Variants in SGCZ observed in about 807,000 individuals in gnomAD.
SGCZ encodes zeta-sarcoglycan.
SGCZ carries 40 observed loss-of-function variants against 41.3 expected under a neutral mutation model. That is an observed-to-expected ratio of 0.97 (90% CI 0.75 to 1.26). The LOEUF is 1.26. Among genes scored for constraint, SGCZ ranks in the 50% most tolerant of loss-of-function variants. The probability of loss-of-function intolerance (pLI) is 0.00; values close to 1 mark genes in which losing one functional copy is unlikely to be tolerated. For synonymous variants in SGCZ, 206 were observed against 137.5 expected, an observed-to-expected ratio of 1.50 and a Z score of -3.49; for missense variants, 552 against 369.8, an observed-to-expected ratio of 1.49 and a Z score of -4.04.
intron 2 of SGCZ, among the ~76,000 whole-genome samples, chr8:14,473,205 A>G (rs1303124907): frequency 6.6e-6 from 1 of 152,032 alleles, no homozygotes; most frequent in Non-Finnish European, 1.5e-5. Flanking sequence ...TTTATGAAGT[A>G]CTCTCTTTAT....
At chr8:14,563,874 G>T (rs1237941684) in intron 1 of SGCZ, among the ~76,000 whole-genome samples, 3 of 151,924 alleles carry the variant, frequency 2.0e-5, no homozygotes, top group African/African-American at 7.3e-5. Flanking sequence ...AAATATAATT[G>T]ATATAATTTT....
intron 1 of SGCZ, among the ~76,000 whole-genome samples, chr8:14,682,436 A>T (rs1585179137): frequency 1.4e-5 from 2 of 141,650 alleles, no homozygotes; most frequent in East Asian, 2.1e-4. Flanking sequence ...CTGCAATGCA[A>T]TTTTTTTTTT....
intron 2 of SGCZ, among the ~76,000 whole-genome samples, chr8:14,440,566 T>C (rs4588854): frequency 0.26 from 40,191 of 151,914 alleles, 5,699 homozygotes; most frequent in Admixed American, 0.33. Context: ...CTAATATCTC[T>C]ATTTTCATAA....
At chr8:14,281,864 T>C (rs1398074338) in intron 3 of SGCZ, among the ~76,000 whole-genome samples, 1 of 17,638 alleles carries the variant, frequency 5.7e-5, no homozygotes, top group Non-Finnish European at 1.7e-3. Context: ...AGAACCATAC[T>C]GTTCTTTTTT....
chr8:14,648,980 C>T (rs1807311662), intron 1 of SGCZ, among the ~76,000 whole-genome samples: 1 of 152,038 alleles, frequency 6.6e-6, no homozygotes, highest in Admixed American at 6.6e-5. Context: ...CATTTCAAAA[C>T]ATTTATACTT....
intron 1 of SGCZ, chr8:14,879,179 T>G (rs956772931): frequency 2.4e-4 from 36 of 152,140 alleles, no homozygotes; most frequent in African/African-American, 8.0e-4. Context: ...ATTTAAAAAG[T>G]TAGCTGGCCA....
intron 4 of SGCZ, among the ~76,000 whole-genome samples, chr8:14,192,673 T>A (rs572953070): frequency 6.6e-6 from 1 of 151,722 alleles, no homozygotes; most frequent in African/African-American, 2.4e-5. Context: ...ATTGTTGTCA[T>A]TGAAGTAGTT....
At chr8:14,418,665 T>C (rs2117298757) in intron 2 of SGCZ, among the ~76,000 whole-genome samples, 1 of 152,070 alleles carries the variant, frequency 6.6e-6, no homozygotes, top group South Asian at 2.1e-4. Flanking sequence ...AACTAAATAT[T>C]TAGATACTTT....
At chr8:14,872,175 AG>A (rs1316078953) in intron 1 of SGCZ, among the ~76,000 whole-genome samples, 2 of 151,910 alleles carry the variant, frequency 1.3e-5, no homozygotes, top group African/African-American at 2.4e-5. Context: ...ACAGGGCATG[AG>A]GGGCTAGGGG....
chr8:14,558,611 A>AGG (rs1554539186), intron 1 of SGCZ, among the ~76,000 whole-genome samples: 71 of 137,352 alleles, frequency 5.2e-4, no homozygotes, highest in East Asian at 1.1e-3. Context: ...AGAGAGAGAG[A>AGG]GAATCTTCCA....
rs553516607 is a variant in SGCZ, at chr8:14,930,508, A to G, written c.39+307077T>C. 4.6e-4 allele frequency among the ~76,000 whole-genome samples: 70 copies of G among 152,036 alleles called. 1 individual carries two copies. Among genetic ancestry groups the G allele is most frequent in the Non-Finnish European group, 8.2e-4 (56 of 68,032 alleles). ...TGGGTATATACCCAAAGGATTATAAATCATTCTACTATAAAGACACATGCC... is the reference window on the plus strand; with the variant it reads ...TGGGTATATACCCAAAGGATTATAAGTCATTCTACTATAAAGACACATGCC... On this transcript the variant is annotated intron_variant, in intron 1 of 7. Transcript: ENST00000382080.
chr8:14,697,558 T>C (rs949490903), intron 1 of SGCZ, among the ~76,000 whole-genome samples: 25 of 152,178 alleles, frequency 1.6e-4, no homozygotes, highest in Admixed American at 3.3e-4. Flanking sequence ...TCGGTTCTTT[T>C]GTGAATTCAA....
At chr8:14,759,689 C>T (rs1799799973) in intron 1 of SGCZ, among the ~76,000 whole-genome samples, 1 of 152,114 alleles carries the variant, frequency 6.6e-6, no homozygotes, top group African/African-American at 2.4e-5. Flanking sequence ...TACCCATGGC[C>T]AATTAGTCCC....
At chr8:14,893,816 C>T (rs2130746987) in intron 1 of SGCZ, among the ~76,000 whole-genome samples, 1 of 152,286 alleles carries the variant, frequency 6.6e-6, no homozygotes, top group East Asian at 1.9e-4. Context: ...AAGGAAACAT[C>T]ACTAATAATC....
chr8:14,191,234 T>C (rs751643369), intron 4 of SGCZ, among the ~76,000 whole-genome samples: 2 of 152,242 alleles, frequency 1.3e-5, no homozygotes, highest in Admixed American at 6.5e-5. Context: ...ATTTTGAATA[T>C]TGACCTTTAT....
At chr8:14,652,824 T>C (rs1391112675) in intron 1 of SGCZ, among the ~76,000 whole-genome samples, 4 of 152,072 alleles carry the variant, frequency 2.6e-5, no homozygotes, top group Admixed American at 1.3e-4. Flanking sequence ...AGAATAGAAA[T>C]AGACAAGTCT....
At chr8:14,805,823 G>A (rs550111497) in intron 1 of SGCZ, among the ~76,000 whole-genome samples, 1 of 151,586 alleles carries the variant, frequency 6.6e-6, no homozygotes, top group East Asian at 2.0e-4. Context: ...TGACCACATA[G>A]TTGGAAGTAA....
rs1224912759 is a variant in SGCZ, at chr8:14,429,970, G to A, written c.235-105766C>T. Among the ~76,000 whole-genome samples, 6 of 151,928 alleles carry A rather than the reference G, an allele frequency of 3.9e-5. No individual in the cohort carries two copies. The South Asian group carries it at 8.4e-4, about 21-fold the overall frequency. The stretch of plus-strand genomic sequence containing the variant: ...AAAGGTATTCATAGTAGTCTTGAAC[G>A]ATTTTTTGTATTTCTGTGGTGTCAG... On this transcript the variant is annotated intron_variant, in intron 2 of 7. Transcript: ENST00000382080.
At chr8:14,463,204 A>G (rs1166835641) in intron 2 of SGCZ, among the ~76,000 whole-genome samples, 3 of 151,324 alleles carry the variant, frequency 2.0e-5, no homozygotes, top group African/African-American at 7.3e-5. Flanking sequence ...TTCTAATATT[A>G]TGTTGAATAA....
Sources: gnomAD v4.1 joint callset for allele counts (sites outside exome capture counted in the v4.1 genomes callset) on GRCh38, gnomAD v4.1.1 for gene constraint, MANE v1.5 for transcripts, NCBI Gene and HGNC (gene_info 2026-07-23, HGNC 2026-07-21) for gene names.